CAMK2G: variants seen among roughly 807,000 people sequenced by gnomAD.
The protein encoded by CAMK2G is calcium/calmodulin-dependent protein kinase type II subunit gamma.
Under a neutral mutation model 88.7 loss-of-function variants are expected in CAMK2G, and 23 were observed. The ratio of observed to expected loss-of-function variants is 0.26; its 90% CI spans 0.19 to 0.37. The LOEUF is 0.37. Among genes scored for constraint, CAMK2G ranks in the 10% least tolerant of loss-of-function variants. The pLI, the probability that CAMK2G is intolerant of heterozygous loss-of-function variation, is 1.00. For missense variants in CAMK2G, 476 were observed against 780.8 expected (o/e 0.61, Z 4.65); for synonymous variants, 263 against 294.8 (o/e 0.89, Z 1.11).
intron 5 of CAMK2G, among the ~76,000 whole-genome samples, chr10:73,851,259 T>C (rs557632126): frequency 6.2e-4 from 94 of 152,050 alleles, no homozygotes; most frequent in African/African-American, 2.0e-3. Flanking sequence ...CAAAACCAGG[T>C]TGTAGGGACA....
Position 73,842,193 on chromosome 10 carries a change from T to C in CAMK2G, c.922A>G (p.Met308Val). ...RKLKGAILTT[M>V]LVSRNFSVGR... is the part of the protein sequence containing the mutation. ...CCTGAGAAGTTCCTGGAGACAAGCA[T>C]GGTCGTGAGGATGGCACCCTGGGGA... Residue 308 changes from methionine (M) to valine (V), a missense_variant, in exon 12 of 23, where the codon ATG becomes GTG. By Grantham distance (21) the Met-to-Val change is conservative. This residue lies in a region of CAMK2G where 164 missense variants were observed against 385.6 expected (regional missense o/e 0.43). Transcript: ENST00000423381. This position sits in a 1 kb window ranked among gnomAD's most constrained non-coding sequence, Gnocchi z 4.6. The C allele has an allele frequency of 6.2e-7, 1 of 1,613,112 alleles. No individual in the cohort carries two copies. Among genetic ancestry groups the C allele is most frequent in the Non-Finnish European group, 8.5e-7 (1 of 1,179,080 alleles).
rs542028501 is a variant in CAMK2G at position 73,826,195 on chromosome 10, G to A, written c.1087-848C>T. 4.6e-5 allele frequency among the ~76,000 whole-genome samples: 7 copies of A among 152,338 alleles called. No homozygotes were observed. The East Asian group carries it at 1.3e-3, about 29-fold the overall frequency. The stretch of plus-strand genomic sequence containing the variant: ...CACCTGTAATCTCAGCACTTTGGGA[G>A]GCCAAGGCGGGTGGATCACCTGAGG... On this transcript the variant is annotated intron_variant, in intron 15 of 22. Transcript: ENST00000423381.
chr10:73,818,422 G>A (rs1169375553), intron 19 of CAMK2G: 1 of 308,996 alleles, frequency 3.2e-6, no homozygotes, highest in Non-Finnish European at 6.5e-6. Flanking sequence ...AGCAGGGGCT[G>A]CCACCAGGGT....
intron 12 of CAMK2G, 174 bp downstream of exon 12, chr10:73,841,994 AT>A (rs1399111749): frequency 1.5e-6 from 1 of 647,244 alleles, no homozygotes; most frequent in Non-Finnish European, 2.8e-6. Context: ...AGCCCCCTGA[AT>A]CTCAGGAGCA....
At chr10:73,817,437 G>A (rs2086039361) in intron 20 of CAMK2G, 42 bp downstream of exon 20, 2 of 1,333,878 alleles carry the variant, frequency 1.5e-6, no homozygotes, top group South Asian at 1.2e-5. Context: ...GAAGGCCTTG[G>A]GAGATGACTT....
chr10:73,838,027 G>GC (rs1315302128), intron 13 of CAMK2G, among the ~76,000 whole-genome samples: 2 of 152,224 alleles, frequency 1.3e-5, no homozygotes, highest in African/African-American at 4.8e-5. Context: ...GGAGGGTTTT[G>GC]CCAGGGGGTT....
intron 2 of CAMK2G, among the ~76,000 whole-genome samples, chr10:73,871,624 C>T (rs955209479): frequency 1.3e-5 from 2 of 152,124 alleles, no homozygotes; most frequent in Non-Finnish European, 2.9e-5. Flanking sequence ...CTGTTGTCCC[C>T]CCCACCCCCA....
At chr10:73,821,853 G>T in intron 17 of CAMK2G, 123 bp from the exon 18 acceptor site, 1 of 771,898 alleles carries the variant, frequency 1.3e-6, no homozygotes, top group Non-Finnish European at 2.2e-6. Flanking sequence ...GGAAGGTTCT[G>T]CTTCCACCCT....
intron 14 of CAMK2G, among the ~76,000 whole-genome samples, chr10:73,833,910 T>G (rs1272403880): frequency 3.3e-4 from 11 of 32,852 alleles, no homozygotes; most frequent in African/African-American, 2.9e-3. Flanking sequence ...ATCTACTGGG[T>G]TTTTTTTTTT....
chr10:73,856,139 C>T (rs1417970324), intron 3 of CAMK2G, among the ~76,000 whole-genome samples: 2 of 152,140 alleles, frequency 1.3e-5, no homozygotes, highest in South Asian at 2.1e-4. Context: ...GTGCCGGCAT[C>T]GTTCCATGGG....
At chr10:73,858,341 A>G (rs2095190155) in intron 3 of CAMK2G, among the ~76,000 whole-genome samples, 1 of 152,238 alleles carries the variant, frequency 6.6e-6, no homozygotes, top group Admixed American at 6.5e-5. Flanking sequence ...AAAGGGTCAC[A>G]GTTCTGAAGG....
At chr10:73,837,445 G>T in intron 14 of CAMK2G, 23 bp downstream of exon 14, 1 of 1,597,518 alleles carries the variant, frequency 6.3e-7, no homozygotes. Context: ...AGGCCAGTCT[G>T]TTCAGAGGCT....
At chr10:73,867,851 C>T (rs562768665) in intron 2 of CAMK2G, among the ~76,000 whole-genome samples, 2 of 152,188 alleles carry the variant, frequency 1.3e-5, no homozygotes, top group East Asian at 1.9e-4. Flanking sequence ...GGAGGCCACA[C>T]GGCCTGAGGA....
At chr10:73,827,656 G>A (rs1025265304) in intron 15 of CAMK2G, among the ~76,000 whole-genome samples, 1 of 152,204 alleles carries the variant, frequency 6.6e-6, no homozygotes, top group Non-Finnish European at 1.5e-5. Flanking sequence ...CCAGGAGAGC[G>A]AGACTCACAA....
At chr10:73,835,268 C>G (rs1198326845) in intron 14 of CAMK2G, among the ~76,000 whole-genome samples, 1 of 151,984 alleles carries the variant, frequency 6.6e-6, no homozygotes, top group Non-Finnish European at 1.5e-5. Context: ...TTAAGTTTTG[C>G]CTTCCCAACT....
chr10:73,819,136 T>C (rs965862826), intron 19 of CAMK2G, among the ~76,000 whole-genome samples: 2 of 152,098 alleles, frequency 1.3e-5, no homozygotes, highest in African/African-American at 4.8e-5. Context: ...ATGCTGAGAC[T>C]CAGGAAGCAC....
rs752428423 is a variant in CAMK2G, at chr10:73,817,078, C to G, written c.1479G>C (p.Glu493Asp). Reference protein sequence around the residue: ...CDPGLTSFEPEALGNLVEGMD... With the variant: ...CDPGLTSFEPDALGNLVEGMD... ...TCCCCTCCACGAGGTTACCAAGGGC[C>G]TCAGGCTCAAAGGAAGTGAGGCCTG... is the stretch of plus-strand genomic sequence containing the variant. Residue 493 changes from glutamate to aspartate, a missense_variant, in exon 21 of 23, where the codon GAG (glutamate) becomes GAC (aspartate). Glu to Asp is a conservative substitution (Grantham distance 45, BLOSUM62 2). Transcript: ENST00000423381. 4 of 1,613,942 alleles carry G rather than the reference C, an allele frequency of 2.5e-6. No individual in the cohort carries two copies. The highest frequency in any genetic ancestry group is 3.4e-6 in the Non-Finnish European group (4 of 1,179,890).
At chr10:73,823,356 C>T (rs554295781) in intron 17 of CAMK2G, among the ~76,000 whole-genome samples, 3 of 152,326 alleles carry the variant, frequency 2.0e-5, no homozygotes, top group Admixed American at 6.5e-5. Context: ...GCTGGGACTA[C>T]AGGCACGCGC....
chr10:73,816,919 AAAT>A, intron 21 of CAMK2G, 101 bp downstream of exon 21: 1 of 1,611,736 alleles, frequency 6.2e-7, no homozygotes, highest in Non-Finnish European at 8.5e-7. Flanking sequence ...CACGAAGGTC[AAAT>A]AAGGGAAAAG....
Sources: allele counts gnomAD v4.1 joint callset (sites outside exome capture counted in the v4.1 genomes callset), GRCh38; gene constraint gnomAD v4.1.1; regional missense constraint gnomAD v4.1.1; non-coding constraint Gnocchi (gnomAD v3.1); transcripts MANE v1.5; gene names NCBI Gene and HGNC (gene_info 2026-07-23, HGNC 2026-07-21).